Variants in TENM1 observed in about 807,000 individuals in gnomAD.
TENM1 encodes teneurin transmembrane protein 1, also known as teneurin-1.
Under a neutral mutation model 174.8 loss-of-function variants are expected in TENM1, and 35 were observed. The ratio of observed to expected loss-of-function variants is 0.20; its 90% CI spans 0.15 to 0.27. TENM1 has a LOEUF of 0.27. TENM1 is among the 10% of genes least tolerant of loss of function. The pLI, the probability that TENM1 is intolerant of heterozygous loss-of-function variation, is 1.00. For synonymous variants in TENM1, 781 were observed against 798.7 expected (o/e 0.98, Z 0.37); for missense variants, 1,633 against 2,130.1 (o/e 0.77, Z 4.59).
chrX:125,128,631 A>G, the TENM1 span, among the ~76,000 whole-genome samples: 2 of 111,432 alleles, frequency 1.8e-5, no homozygotes, highest in Non-Finnish European at 3.8e-5. Flanking sequence ...GGCTAAATAG[A>G]AAGAACTTCT....
At chrX:125,149,102 A>C in the TENM1 span, among the ~76,000 whole-genome samples, 696 of 1,270 alleles carry the variant, frequency 0.55, 8 homozygotes, top group African/African-American at 0.59. Context: ...ATATACTTTA[A>C]GTGTCCCAAT....
chrX:124,718,707 G>A (rs952319598), intron 4 of TENM1, among the ~76,000 whole-genome samples: 4 of 111,971 alleles, frequency 3.6e-5, no homozygotes, highest in Non-Finnish European at 7.5e-5. Context: ...AGGAGGGAAA[G>A]ATGGGAAGGG....
the TENM1 span, among the ~76,000 whole-genome samples, chrX:125,113,223 T>C: frequency 1.8e-5 from 2 of 111,347 alleles, no homozygotes; most frequent in Admixed American, 1.9e-4. Context: ...TCATGCCAGA[T>C]AAAAAATTGT....
chrX:124,443,070 G>GTGTGTA (rs1556638306), intron 23 of TENM1, among the ~76,000 whole-genome samples: 25 of 72,563 alleles, frequency 3.4e-4, no homozygotes, highest in African/African-American at 9.7e-4. Context: ...GTGTGTGTGT[G>GTGTGTA]TGTGTGTGTG....
chrX:124,740,438 T>TATAAC (rs113289103), intron 3 of TENM1, among the ~76,000 whole-genome samples: 18,668 of 111,209 alleles, frequency 0.17, 2,023 homozygotes, highest in African/African-American at 0.39. Flanking sequence ...ATAGTATTAT[T>TATAAC]ATTTCTGTTG....
chrX:125,013,723 CAG>C, the TENM1 span, among the ~76,000 whole-genome samples: 2 of 111,063 alleles, frequency 1.8e-5, no homozygotes, highest in Admixed American at 1.9e-4. Context: ...TTAATTAAAT[CAG>C]GGGGTAAAGA....
At chrX:125,008,946 G>A in the TENM1 span, among the ~76,000 whole-genome samples, 4 of 110,927 alleles carry the variant, frequency 3.6e-5, no homozygotes, top group South Asian at 3.8e-4. Flanking sequence ...ATCTGAAGTC[G>A]ACACCCTAAC....
rs908114391 is a variant in TENM1 at position 124,468,629 on chromosome X, CAT to C, written c.3949+13101_3949+13102del. 8.0e-5 allele frequency among the ~76,000 whole-genome samples: 9 copies of C among 111,911 alleles called. No homozygotes were observed. The Admixed American group carries it at 8.5e-4, about 11-fold the overall frequency. ...CATGCATGTTTTTATAAATTTTCCACATATGTGTATATATCCATGAATAATAT... is the reference window on the plus strand; with the variant it reads ...CATGCATGTTTTTATAAATTTTCCACATGTGTATATATCCATGAATAATAT... On this transcript the variant is annotated intron_variant, in intron 22 of 31. Coordinates refer to ENST00000422452, the Ensembl canonical transcript of TENM1.
At chrX:124,469,621 C>T (rs959427872) in intron 22 of TENM1, among the ~76,000 whole-genome samples, 4 of 111,064 alleles carry the variant, frequency 3.6e-5, no homozygotes, top group Admixed American at 1.9e-4. Context: ...TATATCTTTA[C>T]GACAGGAAGA....
chrX:125,124,310 A>G, the TENM1 span, among the ~76,000 whole-genome samples: 3 of 112,230 alleles, frequency 2.7e-5, no homozygotes, highest in Non-Finnish European at 5.6e-5. Flanking sequence ...ATCAGTTGTC[A>G]CAAGATATGA....
intron 3 of TENM1, among the ~76,000 whole-genome samples, chrX:124,767,434 C>A (rs974740285): frequency 8.1e-5 from 9 of 110,885 alleles, no homozygotes; most frequent in Non-Finnish European, 1.3e-4. Flanking sequence ...ATAGTAGGTA[C>A]CTGATTAAAT....
the TENM1 span, among the ~76,000 whole-genome samples, chrX:125,039,757 T>C: frequency 1.8e-5 from 2 of 110,680 alleles, no homozygotes; most frequent in Admixed American, 1.9e-4. Context: ...TTGATCCTAG[T>C]TTTCTTTTCA....
At chrX:125,196,310 T>C in the TENM1 span, among the ~76,000 whole-genome samples, 1 of 111,603 alleles carries the variant, frequency 9.0e-6, no homozygotes, top group Non-Finnish European at 1.9e-5. Context: ...ATTTGAAGTA[T>C]AAAGTAAGCA....
intron 1 of TENM1, among the ~76,000 whole-genome samples, chrX:124,955,707 G>A (rs775582780): frequency 9.1e-6 from 1 of 110,055 alleles, no homozygotes; most frequent in East Asian, 2.8e-4. Flanking sequence ...GGATTACATT[G>A]AATCTATTGA....
chrX:124,517,435 G>A (rs1411157653), intron 18 of TENM1, among the ~76,000 whole-genome samples: 2 of 109,650 alleles, frequency 1.8e-5, no homozygotes, highest in African/African-American at 6.7e-5. Flanking sequence ...ATGATAGACT[G>A]GATTAAGAAA....
chrX:124,981,676 T>C, the TENM1 span, among the ~76,000 whole-genome samples: 1 of 111,298 alleles, frequency 9.0e-6, no homozygotes, highest in South Asian at 3.8e-4. Context: ...TGCAATATGT[T>C]TGACCCATTT....
intron 3 of TENM1, among the ~76,000 whole-genome samples, chrX:124,772,749 A>G (rs1373001869): frequency 9.0e-6 from 1 of 111,532 alleles, no homozygotes; most frequent in Non-Finnish European, 1.9e-5. Flanking sequence ...GATATGTCAT[A>G]CTTTGTCAAT....
chrX:124,898,048 T>C (rs1482365937), intron 1 of TENM1, among the ~76,000 whole-genome samples: 2 of 112,057 alleles, frequency 1.8e-5, no homozygotes, highest in Non-Finnish European at 3.8e-5. Context: ...CTGCAAGAAA[T>C]GAATTTTATA....
chrX:124,975,371 T>C, the TENM1 span, among the ~76,000 whole-genome samples: 4 of 111,790 alleles, frequency 3.6e-5, no homozygotes, highest in East Asian at 2.8e-4. Context: ...ATGAAATCCA[T>C]TGGGGTTTTG....
Sources: allele counts gnomAD v4.1 joint callset (sites outside exome capture counted in the v4.1 genomes callset), GRCh38; gene constraint gnomAD v4.1.1; transcripts MANE v1.5; gene names NCBI Gene and HGNC (gene_info 2026-07-23, HGNC 2026-07-21).